REG1A: variants seen among roughly 807,000 people sequenced by gnomAD.
The protein encoded by REG1A is regenerating family member 1 alpha, also known as lithostathine-1-alpha.
REG1A carries 20 observed loss-of-function variants against 20.7 expected under a neutral mutation model. The observed-to-expected ratio is 0.97, with a 90% CI of 0.68 to 1.41. The LOEUF is 1.41. Among genes scored for constraint, REG1A ranks in the 40% most tolerant of loss-of-function variants. The probability of loss-of-function intolerance (pLI) is 0.00; values close to 1 mark genes in which losing one functional copy is unlikely to be tolerated. For synonymous variants in REG1A, 90 were observed against 71.6 expected, an observed-to-expected ratio of 1.26 and a Z score of -1.30; for missense variants, 193 against 201.8, an observed-to-expected ratio of 0.96 and a Z score of 0.26.
At chr2:79,123,068 GTT>G in intron 5 of REG1A, 78 bp from the exon 6 acceptor site, 1 of 1,452,902 alleles carries the variant, frequency 6.9e-7, no homozygotes. Context: ...TGGATGTTTG[GTT>G]TTTGTCCTGA....
intron 1 of REG1A, 87 bp from the exon 2 acceptor site, chr2:79,120,729 C>G (rs1340968019): frequency 1.7e-6 from 1 of 577,410 alleles, no homozygotes; most frequent in Non-Finnish European, 2.9e-6. Flanking sequence ...TTCCTGGTCT[C>G]AGAAATTCTG....
Position 79,120,916 on chromosome 2 carries a change from C to T in REG1A, c.55C>T (p.Gln19Ter), listed in dbSNP as rs542915163. ...MLISCLMFLS[Q>*]SQGQEAQTEL... ...GATCTCCTGCCTGATGTTTCTGTCT[C>T]AGAGCCAAGGTAAGATCTCTTTTCC... The change falls in exon 2 of 6, where the codon CAG becomes TAG. Residue 19 changes from glutamine (Q) to a stop codon, truncating the protein, a stop_gained. Transcript: ENST00000233735. LOFTEE classifies it high-confidence loss of function. The T allele has an allele frequency of 1.2e-6, 2 of 1,612,890 alleles. No homozygotes were observed. Among genetic ancestry groups the T allele is most frequent in the Non-Finnish European group, 1.7e-6 (2 of 1,179,464 alleles).
In REG1A at chr2:79,121,282, G is replaced by C. The variant is rs568260251; in HGVS notation, c.65-280G>C. Among the ~76,000 whole-genome samples, 6 of 152,170 alleles carry C rather than the reference G, an allele frequency of 3.9e-5. No homozygotes were observed. The East Asian group carries it at 5.8e-4, about 15-fold the overall frequency. ...TGTTCAGGGAAACCAAGTCAGGCTTGAGAAAGTAGAAGGCTGAGTCCTTCA... is the reference window on the plus strand; with the variant it reads ...TGTTCAGGGAAACCAAGTCAGGCTTCAGAAAGTAGAAGGCTGAGTCCTTCA... On this transcript the variant is annotated intron_variant, in intron 2 of 5. Transcript: ENST00000233735.
intron 4 of REG1A, 67 bp from the exon 5 acceptor site, chr2:79,122,774 C>T (rs1448589655): frequency 4.7e-6 from 5 of 1,053,722 alleles, no homozygotes; most frequent in Non-Finnish European, 7.4e-6. Context: ...TGAGTGTGCA[C>T]ACAGGCCCAG....
intron 4 of REG1A, 128 bp from the exon 5 acceptor site, chr2:79,122,713 G>A: frequency 2.8e-6 from 2 of 706,164 alleles, no homozygotes; most frequent in Admixed American, 2.3e-5. Flanking sequence ...GCAAAGGAAA[G>A]GAAACAATAT....
At chr2:79,122,797 T>G in intron 4 of REG1A, 44 bp from the exon 5 acceptor site, 2 of 1,379,518 alleles carry the variant, frequency 1.4e-6, no homozygotes, top group Non-Finnish European at 2.1e-6. Flanking sequence ...ATTCCATGTA[T>G]TTTTGAGTGA....
intron 4 of REG1A, 138 bp downstream of exon 4, chr2:79,122,263 A>G: frequency 1.2e-6 from 1 of 851,290 alleles, no homozygotes; most frequent in South Asian, 1.8e-5. Flanking sequence ...TGTCCTGTGT[A>G]GCAAGGTGCA....
chr2:79,122,284 T>C (rs1672899180), intron 4 of REG1A, 159 bp downstream of exon 4: 3 of 689,274 alleles, frequency 4.4e-6, no homozygotes, highest in African/African-American at 3.6e-5. Context: ...CTGTAGATGA[T>C]TGGAGATATA....
intron 2 of REG1A, among the ~76,000 whole-genome samples, chr2:79,121,285 A>G (rs536047571): frequency 2.9e-4 from 44 of 152,302 alleles, no homozygotes; most frequent in Non-Finnish European, 5.6e-4. Flanking sequence ...CAGGCTTGAG[A>G]AAGTAGAAGG....
At position 79,122,894 on chromosome 2, in the gene REG1A, C is replaced by A. The variant is rs1672908007; in HGVS notation, c.375C>A (p.Gly125=). Residue 125 remains glycine (G), a synonymous_variant, in exon 5 of 6, where the codon GGC becomes GGA. Coordinates refer to ENST00000233735, the MANE Select transcript of REG1A (RefSeq NM_002909.5). ...CCCTGGTCTCCTACAAGTCCTGGGG[C>A]ATTGGAGCCCCAAGCAGTGTTAATC... is the stretch of plus-strand genomic sequence containing the variant. ...SGSLVSYKSW[G]IGAPSSVNPG... is the part of the protein sequence containing the mutation. The A allele has an allele frequency of 1.2e-6, 2 of 1,613,994 alleles. No individual in the cohort carries two copies. Among genetic ancestry groups the A allele is most frequent in the Non-Finnish European group, 1.7e-6 (2 of 1,180,016 alleles).
intron 2 of REG1A, 78 bp downstream of exon 2, chr2:79,121,003 G>GA (rs11339710): frequency 5.0e-3 from 3,558 of 716,382 alleles, no homozygotes; most frequent in South Asian, 6.0e-3. Flanking sequence ...GGGTCTACTT[G>GA]AAAAAAAAAA....
At chr2:79,122,236 GT>G in intron 4 of REG1A, 111 bp downstream of exon 4, 1 of 1,190,098 alleles carries the variant, frequency 8.4e-7, no homozygotes. Context: ...AAATCAGGCT[GT>G]TTACAGATCC....
In REG1A at chr2:79,120,529, CAGG is replaced by C. The variant is rs563579485; in HGVS notation, c.-47+18_-47+20del. 2.8e-4 allele frequency: 66 copies of C among 232,042 alleles called. 1 individual carries two copies. In the South Asian group the frequency reaches 0.012, roughly 41 times the overall value. 14.4% of individuals were successfully genotyped at this position (232,042 alleles called of 1,614,324 possible). On this transcript the variant is annotated intron_variant, in intron 1 of 5. Coordinates refer to ENST00000233735, the MANE Select transcript of REG1A (RefSeq NM_002909.5). Reference sequence around the variant, plus strand: ...TCAGCCAACAGGTAAGTGGGCATTACAGGAGAAGGGCGTCTCTAACATGCACTG... The same window carrying C: ...TCAGCCAACAGGTAAGTGGGCATTACAGAAGGGCGTCTCTAACATGCACTG...
At chr2:79,121,433 A>G in intron 2 of REG1A, 129 bp from the exon 3 acceptor site, 6 of 748,018 alleles carry the variant, frequency 8.0e-6, no homozygotes, top group Non-Finnish European at 1.4e-5. Context: ...TGCAGGAGCA[A>G]TAGTGAGCAG....
intron 3 of REG1A, 48 bp from the exon 4 acceptor site, chr2:79,121,940 C>G (rs781768636): frequency 6.2e-7 from 1 of 1,605,852 alleles, no homozygotes; most frequent in East Asian, 2.2e-5. Context: ...TCAGTATATC[C>G]GTCACAACTT....
Position 79,123,263 on chromosome 2 carries a change from G to C in REG1A, c.*48G>C. The C allele has an allele frequency of 7.8e-7, 1 of 1,277,298 alleles. No individual in the cohort carries two copies. Among genetic ancestry groups the C allele is most frequent in the Non-Finnish European group, 1.1e-6 (1 of 893,176 alleles). 79.1% of individuals were successfully genotyped at this position (1,277,298 alleles called of 1,614,324 possible). ...TAGAACTGATCCAGCAATTACAACG[G>C]AGTCAAAAATTAAACCGGACCATCT... On this transcript the variant is annotated 3_prime_UTR_variant, in exon 6 of 6. Transcript: ENST00000233735.
Position 79,122,837 on chromosome 2 carries a change from C to G in REG1A, c.322-4C>G. 6.2e-7 allele frequency: 1 copy of G among 1,611,640 alleles called. No individual in the cohort carries two copies. Among genetic ancestry groups the G allele is most frequent in the Non-Finnish European group, 8.5e-7 (1 of 1,178,864 alleles). On this transcript the variant is annotated splice_polypyrimidine_tract_variant and splice_region_variant and intron_variant, in intron 4 of 5. Transcript: ENST00000233735. ...TGCCTCTGTTCTGGCCCTTCCCCAT[C>G]TAGAACCGCCGCTGGCACTGGAGCA... is the stretch of plus-strand genomic sequence containing the variant.
intron 2 of REG1A, 78 bp downstream of exon 2, chr2:79,121,003 G>GAA (rs11339710): frequency 2.3e-4 from 163 of 719,868 alleles, no homozygotes; most frequent in South Asian, 3.7e-4. Flanking sequence ...GGGTCTACTT[G>GAA]AAAAAAAAAA....
intron 4 of REG1A, 169 bp downstream of exon 4, chr2:79,122,294 A>T: frequency 1.6e-6 from 1 of 642,272 alleles, no homozygotes; most frequent in Non-Finnish European, 2.6e-6. Context: ...TTGGAGATAT[A>T]AGTGGAAGGC....
Sources: gnomAD v4.1 joint callset for allele counts (sites outside exome capture counted in the v4.1 genomes callset) on GRCh38, gnomAD v4.1.1 for gene constraint, MANE v1.5 for transcripts, NCBI Gene and HGNC (gene_info 2026-07-23, HGNC 2026-07-21) for gene names.